Variants in PCDH15 observed in about 807,000 individuals in gnomAD.
PCDH15 encodes the protein protocadherin related 15.
A neutral mutation model predicts 178.5 loss-of-function variants in PCDH15; 129 were observed. That is an observed-to-expected ratio of 0.72 (90% CI 0.63 to 0.84). The LOEUF is 0.84. PCDH15 is among the 40% of genes least tolerant of loss of function. The pLI, the probability that PCDH15 is intolerant of heterozygous loss-of-function variation, is 0.00. For missense variants in PCDH15, 2,230 were observed against 2,099.9 expected (o/e 1.06, Z -1.21); for synonymous variants, 800 against 732.0 (o/e 1.09, Z -1.50).
chr10:54,687,975 A>G (rs1455177776), intron 1 of PCDH15, among the ~76,000 whole-genome samples: 1 of 152,140 alleles, frequency 6.6e-6, no homozygotes, highest in African/African-American at 2.4e-5. Flanking sequence ...CATTATGTCT[A>G]TAGTCAAAGA....
rs116436784 is a variant in PCDH15 at position 54,315,725 on chromosome 10, G to T, written c.876+1546C>A. On this transcript the variant is annotated intron_variant, in intron 8 of 37. Coordinates refer to ENST00000644397, the MANE Select transcript of PCDH15 (RefSeq NM_001384140.1). Reference sequence around the variant, plus strand: ...TTTGGTTATGGTATAAGGAGGGGGGGGTCCAGCTTCAATCTTCATATGGCT... The same window carrying T: ...TTTGGTTATGGTATAAGGAGGGGGGTGTCCAGCTTCAATCTTCATATGGCT... Among the ~76,000 whole-genome samples the T allele has an allele frequency of 5.5e-5, 8 of 145,868 alleles. No homozygotes were observed. The East Asian group carries it at 1.6e-3, about 29-fold the overall frequency.
rs898172229 is a variant in PCDH15, at chr10:54,176,328, T to C, written c.1590+7116A>G. 2.6e-5 allele frequency among the ~76,000 whole-genome samples: 4 copies of C among 152,150 alleles called. 1 individual carries two copies. Among genetic ancestry groups the C allele is most frequent in the East Asian group, 3.9e-4 (2 of 5,184 alleles). ...AAGCCACAATAAAACATGTGGGAGATACAGTTGATAGCTGGTACGTGGAAG... is the reference window on the plus strand; with the variant it reads ...AAGCCACAATAAAACATGTGGGAGACACAGTTGATAGCTGGTACGTGGAAG... On this transcript the variant is annotated intron_variant, in intron 13 of 37. Transcript: ENST00000644397.
chr10:54,884,896 T>C (rs1430057527), intron 3 of PCDH15, among the ~76,000 whole-genome samples: 2 of 152,096 alleles, frequency 1.3e-5, no homozygotes, highest in African/African-American at 4.8e-5. Flanking sequence ...TTCAATTAGA[T>C]ATGAGGCTTA....
intron 21 of PCDH15, among the ~76,000 whole-genome samples, chr10:53,981,664 C>T (rs1248595335): frequency 6.7e-5 from 10 of 149,576 alleles, no homozygotes; most frequent in South Asian, 2.2e-4. Context: ...ATACAAAAAT[C>T]AATTCAAGAT....
chr10:54,570,540 A>T (rs2089664409), intron 2 of PCDH15, among the ~76,000 whole-genome samples: 1 of 150,388 alleles, frequency 6.6e-6, no homozygotes, highest in Admixed American at 6.6e-5. Context: ...TGGGATTTTC[A>T]CATTGGATTT....
chr10:55,231,062 T>C (rs918779500), intron 1 of PCDH15, among the ~76,000 whole-genome samples: 5 of 152,000 alleles, frequency 3.3e-5, no homozygotes, highest in African/African-American at 1.2e-4. Flanking sequence ...TCAATATTTG[T>C]GATATATAGA....
chr10:53,880,859 G>A (rs1017654176), intron 26 of PCDH15, among the ~76,000 whole-genome samples: 27 of 151,912 alleles, frequency 1.8e-4, no homozygotes, highest in Middle Eastern at 3.4e-3. Flanking sequence ...CTGTCTCCTC[G>A]AATTTATATA....
At chr10:55,547,150 T>C (rs560593190) in intron 2 of PCDH15, among the ~76,000 whole-genome samples, 90 of 152,208 alleles carry the variant, frequency 5.9e-4, no homozygotes, top group Non-Finnish European at 1.1e-3. Flanking sequence ...GGGACGTTGA[T>C]ATGGGTGCTG....
At chr10:53,957,781 A>G (rs532898846) in intron 23 of PCDH15, among the ~76,000 whole-genome samples, 1 of 152,110 alleles carries the variant, frequency 6.6e-6, no homozygotes, top group Non-Finnish European at 1.5e-5. Context: ...CATAGCAAAG[A>G]ATTGGAATCC....
At chr10:55,223,999 C>A (rs1045204225) in intron 1 of PCDH15, among the ~76,000 whole-genome samples, 1 of 152,180 alleles carries the variant, frequency 6.6e-6, no homozygotes, top group African/African-American at 2.4e-5. Flanking sequence ...CGCCTGTAAT[C>A]GCAGCACTTT....
At chr10:54,012,242 A>T (rs1444785730) in intron 20 of PCDH15, among the ~76,000 whole-genome samples, 5 of 152,146 alleles carry the variant, frequency 3.3e-5, no homozygotes, top group Middle Eastern at 3.2e-3. Flanking sequence ...AGTAATAATT[A>T]AAAAAAGAAT....
intron 2 of PCDH15, among the ~76,000 whole-genome samples, chr10:55,626,751 C>A (rs578038514): frequency 2.0e-3 from 302 of 152,246 alleles, no homozygotes; most frequent in Non-Finnish European, 3.2e-3. Flanking sequence ...TATACAAAAT[C>A]TTACCATGCT....
At chr10:55,337,676 G>A (rs1353593576) in intron 2 of PCDH15, among the ~76,000 whole-genome samples, 1 of 152,024 alleles carries the variant, frequency 6.6e-6, no homozygotes, top group African/African-American at 2.4e-5. Context: ...TCCACATGTT[G>A]GTCTCTAATA....
Position 54,183,794 on chromosome 10 carries a change from T to C in PCDH15, c.1441-201A>G, listed in dbSNP as rs1293726853. Among the ~76,000 whole-genome samples, 4 of 152,196 alleles carry C rather than the reference T, an allele frequency of 2.6e-5. No individual in the cohort carries two copies. In the East Asian group the frequency reaches 7.7e-4, roughly 29 times the overall value. ...GTTCTAATATGGTAAGAAGCAAGTA[T>C]TGAAGATTTTGTTTTAAGGTATTCA... On this transcript the variant is annotated intron_variant, in intron 12 of 37. Transcript: ENST00000644397.
chr10:54,622,261 T>C (rs1220793331), intron 2 of PCDH15, among the ~76,000 whole-genome samples: 2 of 151,706 alleles, frequency 1.3e-5, no homozygotes, highest in African/African-American at 4.8e-5. Flanking sequence ...TATGTGTGTG[T>C]GTGTGTTTAT....
At chr10:54,406,819 AGG>A (rs965958550) in intron 3 of PCDH15, among the ~76,000 whole-genome samples, 1 of 152,114 alleles carries the variant, frequency 6.6e-6, no homozygotes, top group African/African-American at 2.4e-5. Context: ...AGAAGAAAAC[AGG>A]GGATTATCTT....
At chr10:54,653,874 T>A (rs1257168526) in intron 2 of PCDH15, among the ~76,000 whole-genome samples, 5 of 152,240 alleles carry the variant, frequency 3.3e-5, no homozygotes, top group African/African-American at 1.2e-4. Flanking sequence ...GGCAAATAAT[T>A]GTGCACATTA....
intron 1 of PCDH15, among the ~76,000 whole-genome samples, chr10:54,758,421 T>G (rs185038851): frequency 1.4e-4 from 21 of 152,328 alleles, no homozygotes; most frequent in Admixed American, 4.6e-4. Flanking sequence ...TGACGCTTTT[T>G]GGATATTGTC....
chr10:55,095,919 A>C (rs1842440121), intron 2 of PCDH15, among the ~76,000 whole-genome samples: 1 of 152,068 alleles, frequency 6.6e-6, no homozygotes, highest in Non-Finnish European at 1.5e-5. Flanking sequence ...AAAAATCAGG[A>C]GCTGTGGGTC....
Sources: allele counts gnomAD v4.1 joint callset (sites outside exome capture counted in the v4.1 genomes callset), GRCh38; gene constraint gnomAD v4.1.1; transcripts MANE v1.5; gene names NCBI Gene and HGNC (gene_info 2026-07-23, HGNC 2026-07-21).